IGF2R: variants seen among roughly 807,000 people sequenced by gnomAD.
The protein encoded by IGF2R is cation-independent mannose-6-phosphate receptor.
IGF2R carries 91 observed loss-of-function variants against 270.6 expected under a neutral mutation model. The observed-to-expected ratio is 0.34, with a 90% CI of 0.28 to 0.40. The LOEUF (loss-of-function observed/expected upper bound fraction) is 0.40. Among genes scored for constraint, IGF2R ranks in the 10% least tolerant of loss-of-function variants. The pLI is 1.00. For synonymous variants in IGF2R, 1,316 were observed against 1,258.9 expected (o/e 1.05, Z -0.96); for missense variants, 2,805 against 3,188.3 (o/e 0.88, Z 2.90).
chr6:160,015,795 A>G (rs753509123), intron 4 of IGF2R, among the ~76,000 whole-genome samples: 9 of 152,218 alleles, frequency 5.9e-5, no homozygotes, highest in Non-Finnish European at 2.9e-5. Context: ...GGGGTCCCTC[A>G]TGAATGGTCT....
At chr6:160,018,208 C>T (rs1777348752) in intron 4 of IGF2R, among the ~76,000 whole-genome samples, 1 of 151,772 alleles carries the variant, frequency 6.6e-6, no homozygotes, top group Non-Finnish European at 1.5e-5. Context: ...AGCAGGAAGA[C>T]CCACCTATAC....
intron 19 of IGF2R, among the ~76,000 whole-genome samples, chr6:160,054,641 C>T (rs886349309): frequency 6.6e-6 from 1 of 152,160 alleles, no homozygotes; most frequent in African/African-American, 2.4e-5. Flanking sequence ...CCGTCATGGA[C>T]AGGAATGCAA....
At chr6:160,012,777 T>A (rs532220978) in intron 4 of IGF2R, among the ~76,000 whole-genome samples, 11,548 of 114,236 alleles carry the variant, frequency 0.1, 1,204 homozygotes, top group East Asian at 0.34. Flanking sequence ...TTTTTTTTTT[T>A]TGTTTGTTTG....
chr6:160,073,572 C>T lies in IGF2R; in HGVS notation c.4947+103C>T, dbSNP rs1583293266. The T allele has an allele frequency of 4.5e-6, 6 of 1,333,052 alleles. No homozygotes were observed. In the South Asian group the frequency reaches 6.8e-5, roughly 15 times the overall value. 82.6% of individuals were successfully genotyped at this position (1,333,052 alleles called of 1,614,324 possible). On this transcript the variant is annotated intron_variant, in intron 34 of 47. Coordinates refer to ENST00000356956, the MANE Select transcript of IGF2R (RefSeq NM_000876.4). ...GCCCACTAGTAGATGCCCAGCTGAA[C>T]TGTCCACTCCTGATCACCCCAATAA...
chr6:160,024,748 C>T (rs749177092), intron 5 of IGF2R, 44 bp downstream of exon 5: 93 of 1,592,266 alleles, frequency 5.8e-5, no homozygotes, highest in Non-Finnish European at 7.8e-5. Flanking sequence ...TGAGGGATTT[C>T]TTCTATGGCT....
intron 35 of IGF2R, among the ~76,000 whole-genome samples, chr6:160,075,100 A>G (rs1450410561): frequency 6.6e-6 from 1 of 152,032 alleles, no homozygotes; most frequent in Non-Finnish European, 1.5e-5. Flanking sequence ...CTGCTTATAC[A>G]CACACTCACA....
Position 160,087,665 on chromosome 6 carries a change from T to G in IGF2R, c.6206-368T>G, listed in dbSNP as rs530524621. ...ACTCCTAACATTGAAGCTTTGTTTG[T>G]TTGTTTTTTGTTTTTGTTTTTGAGA... On this transcript the variant is annotated intron_variant, in intron 41 of 47. Transcript: ENST00000356956. Among the ~76,000 whole-genome samples, 15 of 152,250 alleles carry G rather than the reference T, an allele frequency of 9.9e-5. No homozygotes were observed. The South Asian group carries it at 3.1e-3, about 32-fold the overall frequency.
In IGF2R at chr6:160,009,040, C is replaced by T. The variant is rs780053781; in HGVS notation, c.320C>T (p.Ser107Phe). ...GDSVLRSATR[S>F]LLEFNTTVSC... ...TCTGTTTTGAGAAGTGCAACCAGATCTCTCCTGGAATTCAACACAACAGTG... is the reference window on the plus strand; with the variant it reads ...TCTGTTTTGAGAAGTGCAACCAGATTTCTCCTGGAATTCAACACAACAGTG... Residue 107 changes from serine to phenylalanine, a missense_variant, in exon 3 of 48, where the codon TCT becomes TTT. Coordinates refer to ENST00000356956, the MANE Select transcript of IGF2R (RefSeq NM_000876.4). 1 of 1,613,930 alleles carries T rather than the reference C, an allele frequency of 6.2e-7. No homozygotes were observed. The highest frequency in any genetic ancestry group is 8.5e-7 in the Non-Finnish European group (1 of 1,179,828).
At position 160,105,186 on chromosome 6, in the gene IGF2R, C is replaced by A; in HGVS notation, c.*102C>A. 1 of 1,064,974 alleles carries A rather than the reference C, an allele frequency of 9.4e-7. No homozygotes were observed. The highest frequency in any genetic ancestry group is 1.3e-6 in the Non-Finnish European group (1 of 750,820). 66.0% of individuals were successfully genotyped at this position (1,064,974 alleles called of 1,614,324 possible). A position where few individuals can be genotyped will look rare whatever the true frequency, so the allele number is the denominator to read the frequency against. On this transcript the variant is annotated 3_prime_UTR_variant, in exon 48 of 48. Coordinates refer to ENST00000356956, the MANE Select transcript of IGF2R (RefSeq NM_000876.4). ...GATGCTTCTATAATTTTGCCTTTAA[C>A]AGAAACTTTCAAAAGGGAAGAGTTT...
At chr6:160,028,891 G>A (rs1226505803) in intron 6 of IGF2R, among the ~76,000 whole-genome samples, 4 of 151,358 alleles carry the variant, frequency 2.6e-5, no homozygotes, top group South Asian at 2.1e-4. Flanking sequence ...TAGTCAAATG[G>A]TGTTTCTTCC....
In IGF2R at chr6:160,043,123, A is replaced by C. The variant is rs765337978; in HGVS notation, c.1481-25A>C. On this transcript the variant is annotated intron_variant, in intron 11 of 47. Coordinates refer to ENST00000356956, the MANE Select transcript of IGF2R (RefSeq NM_000876.4). Reference sequence around the variant, plus strand: ...AGAGAAATCAGCATTGCTTTTGGCTAAAATACACTTTTGTTTTGTTACAGA... The same window carrying C: ...AGAGAAATCAGCATTGCTTTTGGCTCAAATACACTTTTGTTTTGTTACAGA... The C allele has an allele frequency of 1.4e-5, 22 of 1,612,270 alleles. No individual in the cohort carries two copies. The Admixed American group carries it at 3.7e-4, about 27-fold the overall frequency.
At chr6:160,062,332 C>T (rs1048936549) in intron 25 of IGF2R, among the ~76,000 whole-genome samples, 200 bp from the exon 26 acceptor site, 11 of 151,978 alleles carry the variant, frequency 7.2e-5, no homozygotes, top group African/African-American at 2.7e-4. Flanking sequence ...TGCCACCACG[C>T]CCAGCTAACT....
rs116568448 is a variant in IGF2R at position 160,100,398 on chromosome 6, G to T, written c.6843-2121G>T. On this transcript the variant is annotated intron_variant, in intron 45 of 47. Coordinates refer to ENST00000356956, the MANE Select transcript of IGF2R (RefSeq NM_000876.4). Reference sequence around the variant, plus strand: ...AATATTAGGGATAAAGAATAAAGAGGGTCATTATAATTTTAAAAGGGCTAA... The same window carrying T: ...AATATTAGGGATAAAGAATAAAGAGTGTCATTATAATTTTAAAAGGGCTAA... 5.4e-3 allele frequency among the ~76,000 whole-genome samples: 822 copies of T among 152,056 alleles called. 5 individuals are homozygous for T. The highest frequency in any genetic ancestry group is 0.019 in the African/African-American group (772 of 41,504).
chr6:160,096,702 C>T, intron 45 of IGF2R, 77 bp downstream of exon 45: 1 of 1,201,694 alleles, frequency 8.3e-7, no homozygotes, highest in Admixed American at 2.5e-5. Flanking sequence ...TGTTTTTTCC[C>T]CAATGTTTTC....
intron 5 of IGF2R, 52 bp from the exon 6 acceptor site, chr6:160,027,133 T>G: frequency 6.2e-7 from 1 of 1,604,664 alleles, no homozygotes. Flanking sequence ...AGGGTACGTG[T>G]GATTATCACT....
At chr6:160,054,814 T>C (rs1218774472) in intron 19 of IGF2R, among the ~76,000 whole-genome samples, 1 of 152,178 alleles carries the variant, frequency 6.6e-6, no homozygotes, top group Non-Finnish European at 1.5e-5. Flanking sequence ...GTGGAGAGAC[T>C]GGAAGCCATG....
chr6:160,074,036 G>A, intron 35 of IGF2R, 61 bp downstream of exon 35: 1 of 1,250,590 alleles, frequency 8.0e-7, no homozygotes. Flanking sequence ...GATAACCTTT[G>A]CGTTGTTTCT....
In IGF2R at chr6:160,074,068, C is replaced by T. The variant is rs1294640632; in HGVS notation, c.5166+93C>T. ...TTCTTGCCTTCAGTGGGGAGTTGCT[C>T]AAGCATAAAAAAAATGGAGAAAGTA... On this transcript the variant is annotated intron_variant, in intron 35 of 47. Coordinates refer to ENST00000356956, the MANE Select transcript of IGF2R (RefSeq NM_000876.4). 1.8e-5 allele frequency: 15 copies of T among 848,284 alleles called. No homozygotes were observed. In the South Asian group the frequency reaches 2.2e-4, roughly 12 times the overall value. 52.5% of individuals were successfully genotyped at this position (848,284 alleles called of 1,614,324 possible). A position where few individuals can be genotyped will look rare whatever the true frequency, so the allele number is the denominator to read the frequency against.
intron 14 of IGF2R, 123 bp from the exon 15 acceptor site, chr6:160,046,375 C>T (rs1583277679): frequency 1.1e-6 from 1 of 888,076 alleles, no homozygotes; most frequent in Non-Finnish European, 1.7e-6. Flanking sequence ...CTGCCTCCTC[C>T]ACTTCTTCCT....
Sources: gnomAD v4.1 joint callset for allele counts (sites outside exome capture counted in the v4.1 genomes callset) on GRCh38, gnomAD v4.1.1 for gene constraint, MANE v1.5 for transcripts, NCBI Gene and HGNC (gene_info 2026-07-23, HGNC 2026-07-21) for gene names.